The following MMS22L variants were observed in gnomAD, a reference collection of about 807,000 sequenced individuals.
The protein encoded by MMS22L is protein MMS22-like.
MMS22L carries 74 observed loss-of-function variants against 159.1 expected under a neutral mutation model. The ratio of observed to expected loss-of-function variants is 0.47; its 90% CI spans 0.39 to 0.56. The LOEUF is 0.56. MMS22L is among the 20% of genes least tolerant of loss of function. The probability of loss-of-function intolerance (pLI) is 0.00; values close to 1 mark genes in which losing one functional copy is unlikely to be tolerated. For missense variants in MMS22L, 1,351 were observed against 1,422.1 expected, an observed-to-expected ratio of 0.95 and a Z score of 0.80; for synonymous variants, 517 against 506.9, an observed-to-expected ratio of 1.02 and a Z score of -0.27.
chr6:97,258,956 C>T (rs1490803019), intron 9 of MMS22L: 1 of 152,150 alleles, frequency 6.6e-6, no homozygotes, highest in African/African-American at 2.4e-5. Flanking sequence ...AATTTTAGGG[C>T]ATGTGGAACA....
At position 97,245,667 on chromosome 6, in the gene MMS22L, C is replaced by T. The variant is rs1582772549; in HGVS notation, c.1182+961G>A. Reference sequence around the variant, plus strand: ...TTATAAAAAGATAATAGATTTGTTTCTGATCCAATTTATGTATGCAGAATT... The same window carrying T: ...TTATAAAAAGATAATAGATTTGTTTTTGATCCAATTTATGTATGCAGAATT... On this transcript the variant is annotated intron_variant, in intron 11 of 24. Transcript: ENST00000683635. Among the ~76,000 whole-genome samples, 4 of 152,160 alleles carry T rather than the reference C, an allele frequency of 2.6e-5. No homozygotes were observed. In the South Asian group the frequency reaches 8.3e-4, roughly 32 times the overall value.
intron 16 of MMS22L, 98 bp downstream of exon 16, chr6:97,181,806 T>C (rs1014661391): frequency 5.5e-6 from 7 of 1,283,438 alleles, no homozygotes; most frequent in Admixed American, 2.4e-5. Flanking sequence ...GTATATGTAG[T>C]AGAGATCAGT....
chr6:97,157,940 G>C (rs763381119), intron 22 of MMS22L, among the ~76,000 whole-genome samples: 5 of 152,018 alleles, frequency 3.3e-5, no homozygotes, highest in Non-Finnish European at 5.9e-5. Context: ...TTGTGAATCT[G>C]TCTGGTCCTA....
chr6:97,175,190 T>C (rs1481850072), intron 18 of MMS22L, among the ~76,000 whole-genome samples: 2 of 152,232 alleles, frequency 1.3e-5, no homozygotes, highest in African/African-American at 4.8e-5. Context: ...GAAAGACTAT[T>C]TCCCAAACAA....
chr6:97,236,866 G>A (rs1451422649), intron 11 of MMS22L, among the ~76,000 whole-genome samples: 1 of 151,780 alleles, frequency 6.6e-6, no homozygotes, highest in Non-Finnish European at 1.5e-5. Context: ...TAGGAGAATG[G>A]CAAGAACCTG....
intron 23 of MMS22L, among the ~76,000 whole-genome samples, chr6:97,150,648 T>C (rs947812699): frequency 1.8e-4 from 27 of 152,164 alleles, no homozygotes; most frequent in Non-Finnish European, 3.4e-4. Context: ...TCTCCCCTCC[T>C]AGGGCTTCAC....
chr6:97,264,288 A>C (rs1814833975), intron 8 of MMS22L: 1 of 152,114 alleles, frequency 6.6e-6, no homozygotes, highest in South Asian at 2.1e-4. Flanking sequence ...CACTGTAAAC[A>C]GAGTAAAAAT....
At chr6:97,242,958 G>GT (rs1249744478) in intron 11 of MMS22L, among the ~76,000 whole-genome samples, 1 of 152,108 alleles carries the variant, frequency 6.6e-6, no homozygotes, top group Non-Finnish European at 1.5e-5. Flanking sequence ...AATTTGATAG[G>GT]TTTTCCTTTG....
chr6:97,227,645 A>C (rs7749530), intron 14 of MMS22L, among the ~76,000 whole-genome samples: 99,697 of 152,054 alleles, frequency 0.66, 33,988 homozygotes, highest in Non-Finnish European at 0.76. Flanking sequence ...ATAAATTCCC[A>C]AAATTTGGAA....
chr6:97,212,549 G>A (rs1399129644), intron 14 of MMS22L, among the ~76,000 whole-genome samples: 2 of 152,084 alleles, frequency 1.3e-5, no homozygotes, highest in East Asian at 3.9e-4. Flanking sequence ...TAGGTACTCT[G>A]TTAGACATGA....
intron 7 of MMS22L, among the ~76,000 whole-genome samples, chr6:97,269,402 G>A (rs992628861): frequency 1.1e-4 from 16 of 151,990 alleles, no homozygotes; most frequent in Non-Finnish European, 1.8e-4. Context: ...ATATTTTACA[G>A]AATAACTTGT....
At chr6:97,187,346 T>C (rs746020279) in intron 14 of MMS22L, among the ~76,000 whole-genome samples, 6 of 152,136 alleles carry the variant, frequency 3.9e-5, no homozygotes, top group Non-Finnish European at 7.4e-5. Flanking sequence ...CAATCGAAAA[T>C]TTAGATATCT....
chr6:97,148,897 C>T (rs1033319497), intron 24 of MMS22L, among the ~76,000 whole-genome samples: 1 of 152,162 alleles, frequency 6.6e-6, no homozygotes, highest in African/African-American at 2.4e-5. Context: ...GCAAGCTGCA[C>T]TCACGGTAAG....
rs140340505 is a variant in MMS22L at position 97,199,269 on chromosome 6, A to G, written c.2040-12579T>C. ...AGTAAGTAAGCTAGGGCTGAAGTCCATTTGTGAGCATTTTTCCTAATTGTT... is the reference window on the plus strand; with the variant it reads ...AGTAAGTAAGCTAGGGCTGAAGTCCGTTTGTGAGCATTTTTCCTAATTGTT... On this transcript the variant is annotated intron_variant, in intron 14 of 24. Coordinates refer to ENST00000683635, the MANE Select transcript of MMS22L (RefSeq NM_001350599.2). Among the ~76,000 whole-genome samples, 36 of 152,274 alleles carry G rather than the reference A, an allele frequency of 2.4e-4. No homozygotes were observed. In the East Asian group the frequency reaches 6.9e-3, roughly 29 times the overall value.
intron 14 of MMS22L, among the ~76,000 whole-genome samples, chr6:97,190,604 T>C (rs1805767067): frequency 6.6e-6 from 1 of 152,224 alleles, no homozygotes; most frequent in Non-Finnish European, 1.5e-5. Flanking sequence ...GTATTTACTA[T>C]GAGACCAGCA....
At chr6:97,279,623 A>C (rs932663582) in intron 3 of MMS22L, among the ~76,000 whole-genome samples, 10 of 151,772 alleles carry the variant, frequency 6.6e-5, no homozygotes, top group Non-Finnish European at 1.2e-4. Context: ...CATCTCTACT[A>C]AAAATACACA....
Position 97,282,344 on chromosome 6 carries a change from T to G in MMS22L, c.134A>C (p.Glu45Ala), listed in dbSNP as rs1196356997. Residue 45 changes from glutamate to alanine, a missense_variant, in exon 2 of 25, where the codon GAA becomes GCA. Physicochemically the swap from Glu to Ala is moderately radical, Grantham distance 107. Coordinates refer to ENST00000683635, the MANE Select transcript of MMS22L (RefSeq NM_001350599.2). ...AAGGGCTCCGCTGCAGAGGTAGGAT[T>G]CTCCAGAAAAATGTTTTCCTCCTCC... is the stretch of plus-strand genomic sequence containing the variant. Reference protein sequence around the residue: ...NRGGGKHFSGESYLCSGALKR... With the variant: ...NRGGGKHFSGASYLCSGALKR... 1.2e-6 allele frequency: 2 copies of G among 1,614,106 alleles called. No homozygotes were observed. Among genetic ancestry groups the G allele is most frequent in the Admixed American group, 3.3e-5 (2 of 60,020 alleles).
At chr6:97,162,303 T>C (rs1399757229) in intron 21 of MMS22L, 138 bp from the exon 22 acceptor site, 5 of 630,832 alleles carry the variant, frequency 7.9e-6, no homozygotes, top group South Asian at 7.4e-5. Context: ...ATGTATATTT[T>C]ACCATGCTAT....
intron 11 of MMS22L, among the ~76,000 whole-genome samples, chr6:97,237,741 C>A (rs1298739254): frequency 6.6e-6 from 1 of 152,090 alleles, no homozygotes; most frequent in Non-Finnish European, 1.5e-5. Flanking sequence ...AACAATTAAG[C>A]TTATTTAACC....
Sources: allele counts gnomAD v4.1 joint callset (sites outside exome capture counted in the v4.1 genomes callset), GRCh38; gene constraint gnomAD v4.1.1; transcripts MANE v1.5; gene names NCBI Gene and HGNC (gene_info 2026-07-23, HGNC 2026-07-21).